SCGB2B2: variants seen among roughly 807,000 people sequenced by gnomAD.
The protein encoded by SCGB2B2 is secretoglobin family 2B member 2, also known as secretoglobin-like protein.
A neutral mutation model predicts 7.6 loss-of-function variants in SCGB2B2; 11 were observed. The ratio of observed to expected loss-of-function variants is 1.45; its 90% CI spans 0.91 to 2.40. SCGB2B2 has a LOEUF of 2.40. SCGB2B2 is among the 30% of genes most tolerant of loss of function. SCGB2B2 has a pLI of 0.00. For synonymous variants in SCGB2B2, 50 were observed against 48.6 expected, an observed-to-expected ratio of 1.03 and a Z score of -0.12; for missense variants, 104 against 115.4, an observed-to-expected ratio of 0.90 and a Z score of 0.45.
chr19:34,611,486 C>CTA (rs2065925781), intron 1 of SCGB2B2, among the ~76,000 whole-genome samples: 1 of 151,864 alleles, frequency 6.6e-6, no homozygotes, highest in Non-Finnish European at 1.5e-5. Flanking sequence ...TTGCTGTGTC[C>CTA]TATAGATGTT....
intron 1 of SCGB2B2, among the ~76,000 whole-genome samples, chr19:34,628,381 T>G (rs1207795057): frequency 6.6e-6 from 1 of 151,206 alleles, no homozygotes; most frequent in Non-Finnish European, 1.5e-5. Context: ...CTAGCAAGAC[T>G]AATAAGAAAA....
intron 1 of SCGB2B2, among the ~76,000 whole-genome samples, chr19:34,669,783 G>A (rs2067752150): frequency 6.9e-6 from 1 of 145,552 alleles, no homozygotes; most frequent in Non-Finnish European, 1.5e-5. Flanking sequence ...GGCAGTGACT[G>A]AGTGACCACA....
chr19:34,670,811 T>A (rs542157295), intron 1 of SCGB2B2, among the ~76,000 whole-genome samples: 159 of 152,356 alleles, frequency 1.0e-3, no homozygotes, highest in African/African-American at 3.2e-3. Context: ...GCCAAGATTT[T>A]AAAAATTCTC....
intron 1 of SCGB2B2, among the ~76,000 whole-genome samples, chr19:34,622,778 C>T (rs967533066): frequency 1.3e-4 from 20 of 152,122 alleles, no homozygotes; most frequent in African/African-American, 4.3e-4. Flanking sequence ...TTGCAACTTC[C>T]TTCAGATATT....
rs759076724 is a variant in SCGB2B2, at chr19:34,594,457, G to A, written c.61+46C>T. 11 of 1,606,566 alleles carry A rather than the reference G, an allele frequency of 6.8e-6. No individual in the cohort carries two copies. The East Asian group carries it at 2.2e-4, about 33-fold the overall frequency. On this transcript the variant is annotated intron_variant, in intron 2 of 3. Transcript: ENST00000601241. ...CCTTGGGATGGTGATGAGAGTGAAG[G>A]AGCAGGGCCACCGCTTCCTCCCAGC...
rs1311796201 is a variant in SCGB2B2 at position 34,652,313 on chromosome 19, A to G, written c.-2032+23317T>C. ...CTAAAAAGCTATTGCACAGCAAATG[A>G]AACAATCAACAGAGAGAAGAGACAA... On this transcript the variant is annotated intron_variant, in intron 1 of 3. Coordinates refer to ENST00000601241, the MANE Select transcript of SCGB2B2 (RefSeq NM_001025591.4). 4.0e-5 allele frequency among the ~76,000 whole-genome samples: 6 copies of G among 151,300 alleles called. No homozygotes were observed. The East Asian group carries it at 1.2e-3, about 29-fold the overall frequency.
At chr19:34,626,626 G>A (rs901796441) in intron 1 of SCGB2B2, among the ~76,000 whole-genome samples, 2 of 152,200 alleles carry the variant, frequency 1.3e-5, no homozygotes, top group African/African-American at 4.8e-5. Flanking sequence ...CCAAATCTAT[G>A]TCTGATTGGT....
intron 1 of SCGB2B2, among the ~76,000 whole-genome samples, chr19:34,666,662 C>T (rs993013024): frequency 6.6e-6 from 1 of 152,214 alleles, no homozygotes; most frequent in African/African-American, 2.4e-5. Context: ...CCCATCTCCC[C>T]AAATGCCAGA....
At chr19:34,658,790 CACA>C (rs1189296393) in intron 1 of SCGB2B2, among the ~76,000 whole-genome samples, 45 of 115,374 alleles carry the variant, frequency 3.9e-4, no homozygotes, top group South Asian at 1.2e-3. Flanking sequence ...CTGGCAGAGA[CACA>C]ACAACAACAA....
At chr19:34,626,432 A>C (rs2066378710) in intron 1 of SCGB2B2, among the ~76,000 whole-genome samples, 1 of 152,250 alleles carries the variant, frequency 6.6e-6, no homozygotes, top group Non-Finnish European at 1.5e-5. Context: ...TGGAGCTGAA[A>C]ACCACGGCAT....
At chr19:34,672,283 A>G (rs2067822693) in intron 1 of SCGB2B2, among the ~76,000 whole-genome samples, 1 of 151,924 alleles carries the variant, frequency 6.6e-6, no homozygotes, top group African/African-American at 2.4e-5. Context: ...ATCTCAAAAA[A>G]TCTGTATTGG....
In SCGB2B2 at chr19:34,603,795, C is replaced by CTT. The variant is rs71165672; in HGVS notation, c.-2031-7203_-2031-7202dup. ...TATCTTATTTTTTAATGTTTTATTA[C>CTT]TTTTTTTTTTTTTTTTTAACAGATA... On this transcript the variant is annotated intron_variant, in intron 1 of 3. Transcript: ENST00000601241. Among the ~76,000 whole-genome samples, 587 of 131,250 alleles carry CTT rather than the reference C, an allele frequency of 4.5e-3. 6 individuals are homozygous for CTT. Among genetic ancestry groups the CTT allele is most frequent in the African/African-American group, 0.011 (418 of 36,546 alleles). 86.1% of individuals were successfully genotyped at this position (131,250 alleles called of 152,430 possible). A position where few individuals can be genotyped will look rare whatever the true frequency, so the allele number is the denominator to read the frequency against.
intron 1 of SCGB2B2, among the ~76,000 whole-genome samples, chr19:34,648,647 GAATAT>G (rs1177758784): frequency 5.3e-5 from 8 of 150,748 alleles, no homozygotes; most frequent in Admixed American, 5.3e-4. Context: ...CAAATCCACA[GAATAT>G]ATTATGTTAA....
intron 1 of SCGB2B2, among the ~76,000 whole-genome samples, chr19:34,651,429 CA>C (rs2067159415): frequency 1.3e-5 from 2 of 151,156 alleles, no homozygotes; most frequent in Non-Finnish European, 2.9e-5. Flanking sequence ...TCAACGAATT[CA>C]TTAAAGATGA....
chr19:34,642,841 A>C (rs1041351282), intron 1 of SCGB2B2, among the ~76,000 whole-genome samples: 2 of 152,134 alleles, frequency 1.3e-5, no homozygotes, highest in Admixed American at 6.5e-5. Flanking sequence ...AGAGAAATAC[A>C]AATAAAAAAC....
At chr19:34,664,357 T>C (rs1203432925) in intron 1 of SCGB2B2, among the ~76,000 whole-genome samples, 1 of 152,116 alleles carries the variant, frequency 6.6e-6, no homozygotes, top group Non-Finnish European at 1.5e-5. Context: ...CTGGGTCCCT[T>C]AGAAGATGCT....
At chr19:34,623,335 C>G (rs776984841) in intron 1 of SCGB2B2, among the ~76,000 whole-genome samples, 1 of 152,122 alleles carries the variant, frequency 6.6e-6, no homozygotes. Flanking sequence ...AAAGTGCAGG[C>G]TTGAAGATGG....
chr19:34,630,781 T>C (rs1568435892), intron 1 of SCGB2B2, among the ~76,000 whole-genome samples: 2 of 152,128 alleles, frequency 1.3e-5, no homozygotes, highest in Non-Finnish European at 2.9e-5. Context: ...CCCAAAGGAT[T>C]ATAAATCATG....
In SCGB2B2 at chr19:34,593,518, C is replaced by A; in HGVS notation, c.*37G>T. 6.6e-7 allele frequency: 1 copy of A among 1,518,730 alleles called. No homozygotes were observed. Among genetic ancestry groups the A allele is most frequent in the Non-Finnish European group, 8.9e-7 (1 of 1,118,704 alleles). 94.1% of individuals were successfully genotyped at this position (1,518,730 alleles called of 1,614,324 possible). On this transcript the variant is annotated 3_prime_UTR_variant, in exon 4 of 4. Transcript: ENST00000601241. ...GGAACGCGGGGAGCCCCAAGGAAGG[C>A]AGGAGGGCCAATATCTGATCTGCAG...
Sources: allele counts gnomAD v4.1 joint callset (sites outside exome capture counted in the v4.1 genomes callset), GRCh38; gene constraint gnomAD v4.1.1; transcripts MANE v1.5; gene names NCBI Gene and HGNC (gene_info 2026-07-23, HGNC 2026-07-21).